GUCY2F: variants seen among roughly 807,000 people sequenced by gnomAD.
GUCY2F encodes retinal guanylyl cyclase 2.
GUCY2F carries 61 observed loss-of-function variants against 73.1 expected under a neutral mutation model. The observed-to-expected ratio is 0.83, with a 90% CI of 0.68 to 1.03. The LOEUF is 1.03. GUCY2F is among the 50% of genes least tolerant of loss of function. The pLI is 0.00. For missense variants in GUCY2F, 912 were observed against 854.3 expected, an observed-to-expected ratio of 1.07 and a Z score of -0.84; for synonymous variants, 331 against 307.8, an observed-to-expected ratio of 1.08 and a Z score of -0.79.
At chrX:109,462,715 G>GCA (rs747974345) in intron 3 of GUCY2F, among the ~76,000 whole-genome samples, 8 of 109,854 alleles carry the variant, frequency 7.3e-5, no homozygotes, top group East Asian at 2.8e-4. Flanking sequence ...ACATACATGT[G>GCA]CACACACACA....
At chrX:109,463,587 G>A (rs762668953) in intron 3 of GUCY2F, among the ~76,000 whole-genome samples, 16 of 109,789 alleles carry the variant, frequency 1.5e-4, no homozygotes, top group African/African-American at 4.0e-4. Flanking sequence ...ACAGGCGCCC[G>A]CCACCACGCC....
chrX:109,435,172 C>T (rs1261161968), intron 7 of GUCY2F, among the ~76,000 whole-genome samples: 36 of 111,223 alleles, frequency 3.2e-4, no homozygotes, highest in Middle Eastern at 4.7e-3. Context: ...AGAAAGTCAT[C>T]GGTAGCCTGA....
intron 2 of GUCY2F, among the ~76,000 whole-genome samples, chrX:109,472,227 G>T (rs1392527490): frequency 9.4e-6 from 1 of 106,800 alleles, no homozygotes; most frequent in African/African-American, 3.5e-5. Flanking sequence ...CACTGCTACG[G>T]CCACGTGGCA....
intron 8 of GUCY2F, among the ~76,000 whole-genome samples, chrX:109,426,674 C>T (rs761440713): frequency 8.9e-6 from 1 of 112,525 alleles, no homozygotes; most frequent in South Asian, 3.7e-4. Flanking sequence ...CAGGCGTGAG[C>T]CACCACACCC....
At position 109,382,139 on chromosome X, in the gene GUCY2F, A is replaced by G; in HGVS notation, c.3129T>C (p.Leu1043=). The G allele has an allele frequency of 1.7e-6, 2 of 1,176,770 alleles. No homozygotes were observed. Among genetic ancestry groups the G allele is most frequent in the Admixed American group, 4.3e-5 (2 of 45,978 alleles). The change falls in exon 17 of 20, where the codon CTT becomes CTC. Residue 1043 remains leucine, a synonymous_variant. Coordinates refer to ENST00000218006, the MANE Select transcript of GUCY2F (RefSeq NM_001522.3). ...QNLSEGYEVE[L]RGRTELKGKG... is the part of the protein sequence containing the mutation. Reference sequence around the variant, plus strand: ...ATACCTTGAGCTCTGTTCTTCCTCGAAGCTCCACTTCATAGCCCTCACTCA... The same window carrying G: ...ATACCTTGAGCTCTGTTCTTCCTCGGAGCTCCACTTCATAGCCCTCACTCA...
rs1930569662 is a variant in GUCY2F, at chrX:109,391,903, T to C, written c.2781+8A>G. On this transcript the variant is annotated splice_region_variant and intron_variant, in intron 14 of 19. Coordinates refer to ENST00000218006, the MANE Select transcript of GUCY2F (RefSeq NM_001522.3). ...CTATGGAATATATTTTCCTGCTAAT[T>C]AACCTACCTTGTAGACATCATGACT... The C allele has an allele frequency of 8.9e-7, 1 of 1,125,469 alleles. No homozygotes were observed. Among genetic ancestry groups the C allele is most frequent in the Admixed American group, 2.5e-5 (1 of 39,508 alleles). 92.8% of individuals were successfully genotyped at this position (1,125,469 alleles called of 1,213,427 possible). A position where few individuals can be genotyped will look rare whatever the true frequency, so the allele number is the denominator to read the frequency against.
rs745626095 is a variant in GUCY2F, at chrX:109,466,347, C to T, written c.731-904G>A. Among the ~76,000 whole-genome samples the T allele has an allele frequency of 1.9e-4, 21 of 111,445 alleles. No individual in the cohort carries two copies. The South Asian group carries it at 6.5e-3, about 34-fold the overall frequency. ...GGATTTCAGATTCTCAGATTAAGGA[C>T]GTACTCTGTGTAATATTATGGGTGA... is the stretch of plus-strand genomic sequence containing the variant. On this transcript the variant is annotated intron_variant, in intron 2 of 19. Transcript: ENST00000218006.
intron 13 of GUCY2F, 127 bp from the exon 14 acceptor site, chrX:109,392,230 A>G: frequency 2.0e-6 from 1 of 490,636 alleles, no homozygotes; most frequent in Non-Finnish European, 3.5e-6. Context: ...AGAAAGTGTT[A>G]CATGGATGAA....
At chrX:109,468,519 G>A (rs1932514107) in intron 2 of GUCY2F, among the ~76,000 whole-genome samples, 1 of 111,334 alleles carries the variant, frequency 9.0e-6, no homozygotes, top group African/African-American at 3.3e-5. Flanking sequence ...GATATTTGCT[G>A]GGCAGGTAGA....
chrX:109,481,787 G>A (rs761516787), intron 1 of GUCY2F, 79 bp downstream of exon 1: 5 of 108,613 alleles, frequency 4.6e-5, no homozygotes, highest in Admixed American at 9.9e-5. Flanking sequence ...CTCAATCAGC[G>A]TCTCAGCTCC....
At chrX:109,384,390 T>C (rs1398093433) in intron 16 of GUCY2F, among the ~76,000 whole-genome samples, 1 of 112,361 alleles carries the variant, frequency 8.9e-6, no homozygotes, top group Non-Finnish European at 1.9e-5. Flanking sequence ...GCTTTTCCTA[T>C]AGTAGCATAA....
intron 8 of GUCY2F, among the ~76,000 whole-genome samples, chrX:109,413,340 T>C (rs1263251497): frequency 1.8e-5 from 2 of 111,941 alleles, no homozygotes; most frequent in East Asian, 2.8e-4. Flanking sequence ...CTGGCTACCA[T>C]CAAATGTTTA....
chrX:109,402,372 T>C (rs999538167), intron 10 of GUCY2F, among the ~76,000 whole-genome samples: 1 of 101,102 alleles, frequency 9.9e-6, no homozygotes, highest in African/African-American at 4.4e-5. Context: ...AAGCTAGGCG[T>C]TTTGTTTTTT....
intron 3 of GUCY2F, among the ~76,000 whole-genome samples, chrX:109,456,704 A>G (rs745792986): frequency 9.0e-6 from 1 of 111,724 alleles, no homozygotes; most frequent in African/African-American, 3.3e-5. Context: ...TAGCTATAGC[A>G]ACAGCATTGA....
intron 17 of GUCY2F, among the ~76,000 whole-genome samples, chrX:109,379,653 T>C: frequency 8.9e-6 from 1 of 112,580 alleles, no homozygotes; most frequent in South Asian, 3.7e-4. Flanking sequence ...CTGATAAGCC[T>C]AGATATATAC....
At chrX:109,457,424 T>C (rs1932282247) in intron 3 of GUCY2F, among the ~76,000 whole-genome samples, 1 of 111,847 alleles carries the variant, frequency 8.9e-6, no homozygotes, top group South Asian at 3.8e-4. Flanking sequence ...ACATCAATTT[T>C]GAACAAAAAG....
At chrX:109,443,131 A>G (rs73248158) in intron 6 of GUCY2F, among the ~76,000 whole-genome samples, 30 of 111,176 alleles carry the variant, frequency 2.7e-4, no homozygotes, top group Non-Finnish European at 4.9e-4. Flanking sequence ...CAAGTTTGTG[A>G]CTACACAGCA....
chrX:109,428,267 AC>A (rs987836290), intron 8 of GUCY2F, among the ~76,000 whole-genome samples: 1 of 112,150 alleles, frequency 8.9e-6, no homozygotes, highest in African/African-American at 3.2e-5. Context: ...GGCAGACACC[AC>A]CTAAATTAAG....
intron 4 of GUCY2F, among the ~76,000 whole-genome samples, chrX:109,452,657 T>C (rs763958401): frequency 8.7e-4 from 97 of 112,098 alleles, no homozygotes; most frequent in African/African-American, 2.7e-3. Context: ...ATTAGTAAGA[T>C]TTTTTAGGGA....
Sources: gnomAD v4.1 joint callset for allele counts (sites outside exome capture counted in the v4.1 genomes callset) on GRCh38, gnomAD v4.1.1 for gene constraint, MANE v1.5 for transcripts, NCBI Gene and HGNC (gene_info 2026-07-23, HGNC 2026-07-21) for gene names.